The following FARP2 variants were observed in gnomAD, a reference collection of about 807,000 sequenced individuals.
FARP2 encodes FERM, ARH/RhoGEF and pleckstrin domain protein 2, also known as FERM, ARHGEF and pleckstrin domain-containing protein 2.
In FARP2, 111 loss-of-function variants were observed where a neutral mutation model predicts 130.5. The observed-to-expected ratio is 0.85, with a 90% CI of 0.73 to 1.00. The LOEUF is 1.00. Ranked by LOEUF, FARP2 falls within the 50% of genes least tolerant of loss-of-function variation. FARP2 has a pLI of 0.00. For missense variants in FARP2, 1,385 were observed against 1,346.3 expected (o/e 1.03, Z -0.45); for synonymous variants, 504 against 516.9 (o/e 0.98, Z 0.34).
chr2:241,463,953 C>G lies in FARP2; in HGVS notation c.1866C>G (p.Ile622Met). The change falls in exon 17 of 27, where the codon ATC (isoleucine) becomes ATG (methionine). Residue 622 changes from isoleucine to methionine, a missense_variant. Coordinates refer to ENST00000264042, the MANE Select transcript of FARP2 (RefSeq NM_014808.4). ...GCAGTCATCAACGAATCGGGGACAT[C>G]CTGCTCAGGAACATGCGCCAGTTAA... ...TKGSHQRIGD[I>M]LLRNMRQLKE... 2 of 1,614,094 alleles carry G rather than the reference C, an allele frequency of 1.2e-6. No individual in the cohort carries two copies. The highest frequency in any genetic ancestry group is 1.7e-6 in the Non-Finnish European group (2 of 1,179,958).
chr2:241,444,630 C>T (rs1203023489), intron 13 of FARP2: 1 of 152,146 alleles, frequency 6.6e-6, no homozygotes, highest in African/African-American at 2.4e-5. Flanking sequence ...GGGATCATGC[C>T]CCTACCCCAG....
chr2:241,479,084 A>G, intron 19 of FARP2: 1 of 480,734 alleles, frequency 2.1e-6, no homozygotes, highest in Non-Finnish European at 3.7e-6. Context: ...GCGAGAAGGA[A>G]CCTGCTTTTG....
At chr2:241,453,810 G>T (rs1435639368) in intron 13 of FARP2, among the ~76,000 whole-genome samples, 1 of 106,862 alleles carries the variant, frequency 9.4e-6, no homozygotes, top group Non-Finnish European at 1.7e-5. Context: ...TTGAGATGGG[G>T]CCTTCCTCTG....
At chr2:241,427,517 G>A (rs1574803071) in intron 8 of FARP2, among the ~76,000 whole-genome samples, 1 of 152,028 alleles carries the variant, frequency 6.6e-6, no homozygotes, top group African/African-American at 2.4e-5. Context: ...TTGTAGAGAT[G>A]GTGTGTGTAG....
chr2:241,454,973 C>G lies in FARP2; in HGVS notation c.1412-1774C>G, dbSNP rs370668867. Among the ~76,000 whole-genome samples, 66 of 152,280 alleles carry G rather than the reference C, an allele frequency of 4.3e-4. 4 individuals are homozygous for G. The South Asian group carries it at 0.013, about 30-fold the overall frequency. The stretch of plus-strand genomic sequence containing the variant: ...GTCAATGTGAAAATAAGGACTCCCT[C>G]CCCTCCATCTCCCATGTCCCACTGG... On this transcript the variant is annotated intron_variant, in intron 13 of 26. Transcript: ENST00000264042.
Position 241,491,678 on chromosome 2 carries a change from A to C in FARP2, c.2786A>C (p.Glu929Ala). ...VSRADHSAAV[E>A]NQLSGYLLRK... is the part of the protein sequence containing the mutation. The stretch of plus-strand genomic sequence containing the variant: ...AGGGCAGACCACAGTGCAGCTGTCG[A>C]GGTACGACCGCATGAGCACCACCTC... The change falls in exon 24 of 27, where the codon GAG (glutamate) becomes GCG (alanine). Residue 929 changes from glutamate to alanine, a missense_variant and splice_region_variant. Physicochemically the swap from Glu to Ala is moderately radical, Grantham distance 107. Coordinates refer to ENST00000264042, the MANE Select transcript of FARP2 (RefSeq NM_014808.4). The C allele has an allele frequency of 6.3e-7, 1 of 1,593,960 alleles. No homozygotes were observed. Among genetic ancestry groups the C allele is most frequent in the Non-Finnish European group, 8.6e-7 (1 of 1,167,836 alleles).
At chr2:241,450,776 A>T (rs991988060) in intron 13 of FARP2, among the ~76,000 whole-genome samples, 1 of 152,002 alleles carries the variant, frequency 6.6e-6, no homozygotes, top group African/African-American at 2.4e-5. Context: ...CATGGCAAAA[A>T]CTGTCTCTAC....
At chr2:241,469,077 G>A (rs2064245086) in intron 18 of FARP2, among the ~76,000 whole-genome samples, 1 of 150,268 alleles carries the variant, frequency 6.7e-6, no homozygotes, top group African/African-American at 2.4e-5. Context: ...TTTTGTTTAT[G>A]TTTATGGTTT....
intron 2 of FARP2, among the ~76,000 whole-genome samples, chr2:241,384,108 A>G (rs62193209): frequency 0.099 from 14,908 of 150,716 alleles, 992 homozygotes; most frequent in Non-Finnish European, 0.15. Context: ...GACCTAGTGG[A>G]AGCCTTTGGG....
intron 18 of FARP2, among the ~76,000 whole-genome samples, chr2:241,474,838 A>G (rs998475361): frequency 6.7e-6 from 1 of 149,782 alleles, no homozygotes; most frequent in Admixed American, 6.7e-5. Flanking sequence ...TAAATAAATA[A>G]AAAGAAAGAA....
intron 12 of FARP2, 67 bp downstream of exon 12, chr2:241,436,605 T>C (rs966998758): frequency 1.1e-5 from 13 of 1,223,880 alleles, no homozygotes; most frequent in Admixed American, 1.0e-4. Context: ...AAATAGTCTG[T>C]CAGTATTGTA....
At chr2:241,473,929 A>G (rs769835955) in intron 18 of FARP2, among the ~76,000 whole-genome samples, 16 of 152,228 alleles carry the variant, frequency 1.1e-4, no homozygotes, top group Non-Finnish European at 1.9e-4. Flanking sequence ...TTCTTTGTCA[A>G]TGATGATCTC....
intron 22 of FARP2, among the ~76,000 whole-genome samples, chr2:241,490,618 C>T (rs2064866924): frequency 1.3e-5 from 2 of 152,156 alleles, no homozygotes; most frequent in South Asian, 2.1e-4. Flanking sequence ...TGCATGGTCA[C>T]CAGCACCACA....
At chr2:241,404,889 T>A in intron 4 of FARP2, 48 bp downstream of exon 4, 1 of 1,396,806 alleles carries the variant, frequency 7.2e-7, no homozygotes, top group Non-Finnish European at 1.0e-6. Flanking sequence ...TAAGATGTGT[T>A]GTCCTGGAAT....
chr2:241,425,315 G>T (rs2062905292), intron 8 of FARP2, among the ~76,000 whole-genome samples: 1 of 151,968 alleles, frequency 6.6e-6, no homozygotes, highest in Non-Finnish European at 1.5e-5. Flanking sequence ...TGCAACAAAA[G>T]CAAAAATTGA....
At chr2:241,462,078 T>G (rs886807) in intron 14 of FARP2, among the ~76,000 whole-genome samples, 121,737 of 152,174 alleles carry the variant, frequency 0.8, 48,861 homozygotes, top group East Asian at 0.95. Context: ...CCGGGGTATG[T>G]TCCACGTCTG....
At chr2:241,472,059 A>T (rs1168280797) in intron 18 of FARP2, among the ~76,000 whole-genome samples, 1 of 144,412 alleles carries the variant, frequency 6.9e-6, no homozygotes, top group African/African-American at 2.5e-5. Flanking sequence ...TTGGAGGGGG[A>T]TGCCATTTTG....
chr2:241,414,020 T>C lies in FARP2; in HGVS notation c.623+599T>C, dbSNP rs2062599173. On this transcript the variant is annotated intron_variant, in intron 7 of 26. Transcript: ENST00000264042. ...CTACTGAGCAGGATGGGGTGGCTATTGGGGGGGTGTCAGCTGCTGCAGTGT... is the reference window on the plus strand; with the variant it reads ...CTACTGAGCAGGATGGGGTGGCTATCGGGGGGGTGTCAGCTGCTGCAGTGT... 5.3e-5 allele frequency among the ~76,000 whole-genome samples: 8 copies of C among 149,544 alleles called. No homozygotes were observed. The South Asian group carries it at 1.7e-3, about 32-fold the overall frequency.
rs749571489 is a variant in FARP2, at chr2:241,407,588, C to T, written c.383C>T (p.Pro128Leu). 2 of 1,613,878 alleles carry T rather than the reference C, an allele frequency of 1.2e-6. No individual in the cohort carries two copies. Among genetic ancestry groups the T allele is most frequent in the Admixed American group, 1.7e-5 (1 of 60,000 alleles). The change falls in exon 5 of 27, where the codon CCT (proline) becomes CTT (leucine). Residue 128 changes from proline to leucine, a missense_variant. Pro to Leu is a moderately conservative substitution (Grantham distance 98). Transcript: ENST00000264042. ...RLAVKFFPPD[P>L]GQLQEEYTRY... Reference sequence around the variant, plus strand: ...GCTGTAAAATTTTTTCCACCTGATCCTGGTCAGCTACAAGAAGAATATACA... The same window carrying T: ...GCTGTAAAATTTTTTCCACCTGATCTTGGTCAGCTACAAGAAGAATATACA...
Sources: allele counts gnomAD v4.1 joint callset (sites outside exome capture counted in the v4.1 genomes callset), GRCh38; gene constraint gnomAD v4.1.1; transcripts MANE v1.5; gene names NCBI Gene and HGNC (gene_info 2026-07-23, HGNC 2026-07-21).